Variants in MTNAP1 observed in about 807,000 individuals in gnomAD.
The protein encoded by MTNAP1 is mitochondrial nucleoid-associated protein 1.
chr17:73,232,569 C>G, the MTNAP1 span: 2 of 413,658 alleles, frequency 4.8e-6, no homozygotes, highest in Non-Finnish European at 8.6e-6. Context: ...TGAGTTGAAT[C>G]CGTGTAACAT....
At chr17:73,240,443 CT>C in the MTNAP1 span, among the ~76,000 whole-genome samples, 1 of 152,194 alleles carries the variant, frequency 6.6e-6, no homozygotes, top group Admixed American at 6.5e-5. Context: ...AGGTCAAGCC[CT>C]GATCCCTCCA....
the MTNAP1 span, among the ~76,000 whole-genome samples, chr17:73,241,482 T>C: frequency 6.6e-6 from 1 of 152,226 alleles, no homozygotes; most frequent in Non-Finnish European, 1.5e-5. Flanking sequence ...TTTCTGGTTC[T>C]GCTTAAGTTA....
chr17:73,237,718 AGTTTACAGGACAAGAAATAGGTTCTAG>A, the MTNAP1 span, among the ~76,000 whole-genome samples: 1 of 144,632 alleles, frequency 6.9e-6, no homozygotes, highest in African/African-American at 2.9e-5. Flanking sequence ...ATAGGTTCTA[AGTTTACAGGACAAGAAATAGGTTCTAG>A]GTTTCAGGCA....
chr17:73,236,314 C>G, the MTNAP1 span: 12 of 1,613,986 alleles, frequency 7.4e-6, no homozygotes, highest in African/African-American at 1.1e-4. Flanking sequence ...CACAGAATCC[C>G]TCATTTTAAG....
At chr17:73,236,717 C>T in the MTNAP1 span, 35 of 1,614,090 alleles carry the variant, frequency 2.2e-5, no homozygotes, top group Middle Eastern at 6.6e-4. Flanking sequence ...GGACAGTTAT[C>T]TCTGGAGCCC....
chr17:73,248,250 G>C, the MTNAP1 span: 1 of 492,696 alleles, frequency 2.0e-6, no homozygotes, highest in South Asian at 2.7e-5. Flanking sequence ...AGACTCCTCA[G>C]AACGAATAGT....
the MTNAP1 span, chr17:73,243,073 C>G: frequency 5.4e-3 from 5,346 of 996,414 alleles, 221 homozygotes; most frequent in African/African-American, 0.11. Context: ...AAGGGATTCT[C>G]TGAATTTTTT....
chr17:73,248,562 T>G, the MTNAP1 span: 1 of 1,551,148 alleles, frequency 6.4e-7, no homozygotes, highest in African/African-American at 1.4e-5. Context: ...AAATGCAGCG[T>G]GAGAATCCAT....
At chr17:73,243,548 C>CTTT in the MTNAP1 span, among the ~76,000 whole-genome samples, 3 of 135,072 alleles carry the variant, frequency 2.2e-5, no homozygotes, top group Non-Finnish European at 4.8e-5. Context: ...TTCATGTTGT[C>CTTT]TTTTTTTTTT....
chr17:73,240,408 A>G, the MTNAP1 span, among the ~76,000 whole-genome samples: 117 of 152,346 alleles, frequency 7.7e-4, no homozygotes, highest in Middle Eastern at 0.017. Flanking sequence ...AACACAAGAT[A>G]CTAGAGGAGA....
At chr17:73,247,293 T>C in the MTNAP1 span, 4 of 1,613,994 alleles carry the variant, frequency 2.5e-6, no homozygotes, top group Non-Finnish European at 3.4e-6. Context: ...CATGCATTGG[T>C]GTGGCGAAGA....
the MTNAP1 span, among the ~76,000 whole-genome samples, chr17:73,240,461 A>G: frequency 2.0e-5 from 3 of 152,230 alleles, no homozygotes; most frequent in Admixed American, 6.5e-5. Flanking sequence ...TCCATTGGCC[A>G]AGGACTTCAA....
At chr17:73,248,570 C>T in the MTNAP1 span, 1 of 1,549,594 alleles carries the variant, frequency 6.5e-7, no homozygotes, top group Non-Finnish European at 8.7e-7. Flanking sequence ...CGTGAGAATC[C>T]ATACACGTAA....
At chr17:73,235,163 T>A in the MTNAP1 span, among the ~76,000 whole-genome samples, 1 of 152,044 alleles carries the variant, frequency 6.6e-6, no homozygotes, top group African/African-American at 2.4e-5. Context: ...GAGTTTGCAG[T>A]GAGCAGATAT....
At chr17:73,234,449 T>C in the MTNAP1 span, among the ~76,000 whole-genome samples, 1 of 110,036 alleles carries the variant, frequency 9.1e-6, no homozygotes, top group Non-Finnish European at 2.1e-5. Context: ...CCCAGCACAC[T>C]GGAAGGCCGA....
the MTNAP1 span, among the ~76,000 whole-genome samples, chr17:73,234,313 G>A: frequency 8.3e-6 from 1 of 121,212 alleles, no homozygotes. Flanking sequence ...AATATACATG[G>A]TATAAATGTT....
chr17:73,238,613 G>A, the MTNAP1 span, among the ~76,000 whole-genome samples: 77,513 of 152,010 alleles, frequency 0.51, 19,828 homozygotes, highest in East Asian at 0.62. Context: ...CCCCTTCTCC[G>A]TAATAAACAC....
the MTNAP1 span, chr17:73,245,201 G>A: frequency 1.2e-6 from 2 of 1,613,562 alleles, no homozygotes; most frequent in Non-Finnish European, 1.7e-6. Flanking sequence ...TGTTGACCTG[G>A]ACATCACTTA....
At chr17:73,240,580 T>C in the MTNAP1 span, among the ~76,000 whole-genome samples, 1 of 152,250 alleles carries the variant, frequency 6.6e-6, no homozygotes, top group Admixed American at 6.5e-5. Context: ...TAGAGTTTTA[T>C]TGGAATCTTT....
Sources: allele counts gnomAD v4.1 joint callset (sites outside exome capture counted in the v4.1 genomes callset), GRCh38; gene constraint gnomAD v4.1.1; transcripts MANE v1.5; gene names NCBI Gene and HGNC (gene_info 2026-07-23, HGNC 2026-07-21).